PDGFD: variants seen among roughly 807,000 people sequenced by gnomAD.
PDGFD encodes platelet derived growth factor D, also known as platelet-derived growth factor D.
A neutral mutation model predicts 44.7 loss-of-function variants in PDGFD; 30 were observed. The observed-to-expected ratio is 0.67, with a 90% confidence interval of 0.50 to 0.91. The LOEUF is 0.91. Ranked by LOEUF, PDGFD falls within the 40% of genes least tolerant of loss-of-function variation. The probability of loss-of-function intolerance (pLI) is 0.00; values close to 1 mark genes in which losing one functional copy is unlikely to be tolerated. For missense variants in PDGFD, 445 were observed against 457.8 expected (o/e 0.97, Z 0.25); for synonymous variants, 173 against 168.4 (o/e 1.03, Z -0.21).
At chr11:103,972,256 C>T (rs1373742882) in intron 3 of PDGFD, among the ~76,000 whole-genome samples, 1 of 152,112 alleles carries the variant, frequency 6.6e-6, no homozygotes, top group Non-Finnish European at 1.5e-5. Context: ...TCCTGTCCTC[C>T]GCCCACCAGA....
chr11:104,084,787 A>ATATTTTATAAGTAT (rs1861099928), intron 1 of PDGFD, among the ~76,000 whole-genome samples: 2 of 133,108 alleles, frequency 1.5e-5, no homozygotes, highest in African/African-American at 6.1e-5. Flanking sequence ...ACATAAAATA[A>ATATTTTATAAGTAT]TATAAAATAT....
chr11:104,055,405 T>C (rs1860603891), intron 1 of PDGFD, among the ~76,000 whole-genome samples: 1 of 152,284 alleles, frequency 6.6e-6, no homozygotes, highest in East Asian at 1.9e-4. Flanking sequence ...CTTGGTAACT[T>C]TGGCTCCAGG....
At chr11:104,021,551 TC>T (rs970972773) in intron 1 of PDGFD, among the ~76,000 whole-genome samples, 1 of 152,134 alleles carries the variant, frequency 6.6e-6, no homozygotes, top group Non-Finnish European at 1.5e-5. Flanking sequence ...CGCTTATGCT[TC>T]TGCTGCTGCC....
chr11:104,012,619 A>G (rs561998381), intron 1 of PDGFD, among the ~76,000 whole-genome samples: 14 of 152,310 alleles, frequency 9.2e-5, no homozygotes, highest in African/African-American at 2.6e-4. Context: ...TGTCTCCTCC[A>G]TGGACTCTTC....
chr11:104,024,797 A>G (rs1860017654), intron 1 of PDGFD, among the ~76,000 whole-genome samples: 1 of 152,218 alleles, frequency 6.6e-6, no homozygotes, highest in South Asian at 2.1e-4. Context: ...GGTCTCTGTC[A>G]AAAATGTGCA....
chr11:104,151,794 C>T (rs980624630), intron 1 of PDGFD, among the ~76,000 whole-genome samples: 1 of 152,044 alleles, frequency 6.6e-6, no homozygotes, highest in African/African-American at 2.4e-5. Context: ...AAGGGGTTGG[C>T]CTTTCATTTT....
chr11:104,077,512 T>C (rs1431608050), intron 1 of PDGFD, among the ~76,000 whole-genome samples: 1 of 152,032 alleles, frequency 6.6e-6, no homozygotes, highest in African/African-American at 2.4e-5. Context: ...GTGAAGTACA[T>C]AAAAGAAAAT....
chr11:104,085,947 T>G (rs1861122835), intron 1 of PDGFD, among the ~76,000 whole-genome samples: 4 of 152,204 alleles, frequency 2.6e-5, no homozygotes, highest in Admixed American at 2.6e-4. Context: ...TCACTGCGAT[T>G]CACTGAGTTA....
At chr11:104,060,141 C>T (rs1860689277) in intron 1 of PDGFD, among the ~76,000 whole-genome samples, 2 of 152,206 alleles carry the variant, frequency 1.3e-5, no homozygotes, top group Non-Finnish European at 2.9e-5. Context: ...ACATCAGAAA[C>T]ATTCACTATT....
intron 6 of PDGFD, among the ~76,000 whole-genome samples, chr11:103,910,288 T>C (rs1858007490): frequency 6.6e-6 from 1 of 152,204 alleles, no homozygotes; most frequent in African/African-American, 2.4e-5. Context: ...GTAAAACATG[T>C]TGCCCTGGAG....
chr11:104,059,346 C>G (rs1860673860), intron 1 of PDGFD, among the ~76,000 whole-genome samples: 1 of 152,052 alleles, frequency 6.6e-6, no homozygotes, highest in African/African-American at 2.4e-5. Context: ...AAATAAAAAG[C>G]CTTTTTCTTA....
At chr11:104,004,742 G>A (rs1859673148) in intron 1 of PDGFD, among the ~76,000 whole-genome samples, 1 of 151,992 alleles carries the variant, frequency 6.6e-6, no homozygotes, top group Non-Finnish European at 1.5e-5. Context: ...CTTATTTTGT[G>A]CCTGGCATTG....
intron 6 of PDGFD, among the ~76,000 whole-genome samples, chr11:103,926,319 C>T (rs1185233927): frequency 6.6e-6 from 1 of 152,140 alleles, no homozygotes; most frequent in African/African-American, 2.4e-5. Flanking sequence ...TTATTGTGCT[C>T]TTTAAGTTTT....
At chr11:104,081,001 C>A (rs1861038807) in intron 1 of PDGFD, among the ~76,000 whole-genome samples, 1 of 152,202 alleles carries the variant, frequency 6.6e-6, no homozygotes, top group Admixed American at 6.5e-5. Context: ...TGGACAACTG[C>A]AGCTCTAGCT....
In PDGFD at chr11:103,983,170, A is replaced by C. The variant is rs183753592; in HGVS notation, c.510+12895T>G. Among the ~76,000 whole-genome samples, 5 of 151,970 alleles carry C rather than the reference A, an allele frequency of 3.3e-5. 1 individual carries two copies. The highest frequency in any genetic ancestry group is 1.2e-4 in the African/African-American group (5 of 41,252). ...ATCACACAACCTGACTTCAAACTAT[A>C]CTTACAGGGTTACAGTAACCAAAAC... On this transcript the variant is annotated intron_variant, in intron 3 of 6. Coordinates refer to ENST00000393158, the MANE Select transcript of PDGFD (RefSeq NM_025208.5).
rs1491167285 is a variant in PDGFD at position 104,118,808 on chromosome 11, TAA to T, written c.124+44994_124+44995del. Among the ~76,000 whole-genome samples, 12 of 50,482 alleles carry T rather than the reference TAA, an allele frequency of 2.4e-4. No individual in the cohort carries two copies. The East Asian group carries it at 4.1e-3, about 17-fold the overall frequency. The allele number at this position is 50,482 out of a possible 152,430, so 33.1% of individuals were successfully genotyped here. On this transcript the variant is annotated intron_variant, in intron 1 of 6. Transcript: ENST00000393158. ...ATTATATATTATAAATATTAATATA[TAA>T]TATATTATATATTATAAATATTAAT...
intron 1 of PDGFD, among the ~76,000 whole-genome samples, chr11:104,115,557 G>A (rs1412919474): frequency 6.6e-6 from 1 of 151,538 alleles, no homozygotes; most frequent in Non-Finnish European, 1.5e-5. Flanking sequence ...ATACCCAGTA[G>A]TGGGATTGCT....
At chr11:104,004,049 T>C (rs1438080126) in intron 1 of PDGFD, among the ~76,000 whole-genome samples, 2 of 152,164 alleles carry the variant, frequency 1.3e-5, no homozygotes, top group African/African-American at 2.4e-5. Context: ...GTCAATGATA[T>C]CCTTTCAAAG....
chr11:103,970,020 C>T (rs576698500), intron 3 of PDGFD, among the ~76,000 whole-genome samples: 2 of 152,150 alleles, frequency 1.3e-5, no homozygotes, highest in South Asian at 4.2e-4. Context: ...ATTATACACA[C>T]TATACATTTA....
Sources: gnomAD v4.1 joint callset for allele counts (sites outside exome capture counted in the v4.1 genomes callset) on GRCh38, gnomAD v4.1.1 for gene constraint, MANE v1.5 for transcripts, NCBI Gene and HGNC (gene_info 2026-07-23, HGNC 2026-07-21) for gene names.